UNC13C: variants seen among roughly 807,000 people sequenced by gnomAD.
UNC13C encodes unc-13 homolog C, also known as protein unc-13 homolog C.
A neutral mutation model predicts 245.4 loss-of-function variants in UNC13C; 174 were observed. That is an observed-to-expected ratio of 0.71 (90% confidence interval 0.63 to 0.80). The LOEUF is 0.80. Among genes scored for constraint, UNC13C ranks in the 30% least tolerant of loss-of-function variants. The pLI is 0.00. For synonymous variants in UNC13C, 992 were observed against 895.1 expected, an observed-to-expected ratio of 1.11 and a Z score of -1.93; for missense variants, 2,829 against 2,602.9, an observed-to-expected ratio of 1.09 and a Z score of -1.89.
intron 1 of UNC13C, among the ~76,000 whole-genome samples, chr15:54,011,186 G>A (rs1040712729): frequency 6.6e-6 from 1 of 152,152 alleles, no homozygotes; most frequent in African/African-American, 2.4e-5. Context: ...GTTGGAATAC[G>A]AGCAAGTGAG....
Position 54,419,802 on chromosome 15 carries a change from T to C in UNC13C, c.4933+4735T>C, listed in dbSNP as rs75757184. Among the ~76,000 whole-genome samples, 122 of 152,124 alleles carry C rather than the reference T, an allele frequency of 8.0e-4. 2 individuals are homozygous for C. In the East Asian group the frequency reaches 0.022, roughly 28 times the overall value. ...TCTCACATTTTTTTGTTTCAGATGG[T>C]ATTAGAATTTAAATTTCTTGTTAAC... On this transcript the variant is annotated intron_variant, in intron 19 of 32. Coordinates refer to ENST00000260323, the MANE Select transcript of UNC13C (RefSeq NM_001080534.3).
At chr15:54,536,746 T>C (rs1004547671) in intron 26 of UNC13C, among the ~76,000 whole-genome samples, 4 of 152,096 alleles carry the variant, frequency 2.6e-5, no homozygotes, top group Admixed American at 6.6e-5. Flanking sequence ...ATCATCTCAA[T>C]AGATGCAGAA....
In UNC13C at chr15:54,395,500, A is replaced by G. The variant is rs115092241; in HGVS notation, c.4847+2319A>G. On this transcript the variant is annotated intron_variant, in intron 18 of 32. Coordinates refer to ENST00000260323, the MANE Select transcript of UNC13C (RefSeq NM_001080534.3). ...ATTGACACAGAAGTCTGCAATATTAATAAACGATCCCTGTTATTGTGTCTT... is the reference window on the plus strand; with the variant it reads ...ATTGACACAGAAGTCTGCAATATTAGTAAACGATCCCTGTTATTGTGTCTT... 8.8e-3 allele frequency among the ~76,000 whole-genome samples: 1,345 copies of G among 152,014 alleles called. 26 individuals carry two copies. The highest frequency in any genetic ancestry group is 0.032 in the African/African-American group (1,319 of 41,540).
intron 29 of UNC13C, among the ~76,000 whole-genome samples, chr15:54,558,803 G>A (rs1450507577): frequency 6.6e-6 from 1 of 151,942 alleles, no homozygotes; most frequent in Non-Finnish European, 1.5e-5. Flanking sequence ...AAAAGTGGCA[G>A]CTATGAGACA....
intron 2 of UNC13C, among the ~76,000 whole-genome samples, chr15:54,101,162 A>T (rs974253928): frequency 6.6e-6 from 1 of 151,960 alleles, no homozygotes; most frequent in African/African-American, 2.4e-5. Flanking sequence ...CCTGCCTTTG[A>T]TAACTCTAAT....
At chr15:53,870,480 G>A in the UNC13C span, among the ~76,000 whole-genome samples, 1 of 148,658 alleles carries the variant, frequency 6.7e-6, no homozygotes, top group African/African-American at 2.5e-5. Context: ...GTGGGTGAGT[G>A]CCTCATCCCA....
chr15:53,867,365 C>T, the UNC13C span, among the ~76,000 whole-genome samples: 150 of 152,222 alleles, frequency 9.9e-4, no homozygotes, highest in African/African-American at 3.4e-3. Context: ...AAAACATTAA[C>T]AACGTTTGAT....
intron 10 of UNC13C, among the ~76,000 whole-genome samples, chr15:54,286,246 G>T (rs2037146743): frequency 6.6e-6 from 1 of 152,054 alleles, no homozygotes; most frequent in African/African-American, 2.4e-5. Flanking sequence ...AATATTACAG[G>T]ATCTTTTTAC....
chr15:53,895,220 T>G, the UNC13C span, among the ~76,000 whole-genome samples: 1 of 151,434 alleles, frequency 6.6e-6, no homozygotes, highest in Non-Finnish European at 1.5e-5. Flanking sequence ...AAAAATTAGC[T>G]GGGTGTGGTC....
rs150433302 is a variant in UNC13C at position 54,508,963 on chromosome 15, G to A, written c.5379+1769G>A. ...ACCCATAATTCCAGCACTTTGGGCG[G>A]CTGAGGTGGGCAGATCACCTGAGGT... On this transcript the variant is annotated intron_variant, in intron 23 of 32. Coordinates refer to ENST00000260323, the MANE Select transcript of UNC13C (RefSeq NM_001080534.3). Among the ~76,000 whole-genome samples the A allele has an allele frequency of 9.3e-3, 1,414 of 152,280 alleles. 9 individuals carry two copies. The highest frequency in any genetic ancestry group is 0.016 in the Non-Finnish European group (1,074 of 68,022).
chr15:54,605,388 C>G (rs1197824211), intron 30 of UNC13C, among the ~76,000 whole-genome samples: 2 of 152,178 alleles, frequency 1.3e-5, no homozygotes, highest in Non-Finnish European at 2.9e-5. Flanking sequence ...TATCATAGCA[C>G]AGATGCCACT....
chr15:54,349,334 A>T (rs2038929341), intron 17 of UNC13C, among the ~76,000 whole-genome samples: 1 of 151,666 alleles, frequency 6.6e-6, no homozygotes, highest in Non-Finnish European at 1.5e-5. Context: ...CTAGCCAGTT[A>T]TGCTTCTATC....
At chr15:54,047,588 C>T (rs1305416442) in intron 2 of UNC13C, among the ~76,000 whole-genome samples, 5 of 152,078 alleles carry the variant, frequency 3.3e-5, no homozygotes, top group Non-Finnish European at 7.4e-5. Context: ...AATTTCATCC[C>T]TTTTTAAGGC....
chr15:54,052,276 C>G lies in UNC13C; in HGVS notation c.2983+36390C>G, dbSNP rs375003770. On this transcript the variant is annotated intron_variant, in intron 2 of 32. Coordinates refer to ENST00000260323, the MANE Select transcript of UNC13C (RefSeq NM_001080534.3). ...ATTTATAGTCCTTTGGGTATATACCCAGTAATGGGATGGCTGGGTCAAATG... is the reference window on the plus strand; with the variant it reads ...ATTTATAGTCCTTTGGGTATATACCGAGTAATGGGATGGCTGGGTCAAATG... Among the ~76,000 whole-genome samples, 1,051 of 132,918 alleles carry G rather than the reference C, an allele frequency of 7.9e-3. 13 individuals are homozygous for G. The highest frequency in any genetic ancestry group is 0.029 in the African/African-American group (1,005 of 34,240). 87.2% of individuals were successfully genotyped at this position (132,918 alleles called of 152,430 possible).
chr15:53,900,355 G>T, the UNC13C span, among the ~76,000 whole-genome samples: 1 of 152,148 alleles, frequency 6.6e-6, no homozygotes, highest in Admixed American at 6.5e-5. Flanking sequence ...AGACACAGAG[G>T]AATATTCTGT....
chr15:54,408,073 C>T (rs1245616485), intron 18 of UNC13C, among the ~76,000 whole-genome samples: 2 of 151,262 alleles, frequency 1.3e-5, no homozygotes, highest in East Asian at 2.0e-4. Context: ...TGGTGGCGGG[C>T]GCCTGTAGTC....
At chr15:54,256,120 G>A (rs2036272996) in intron 8 of UNC13C, among the ~76,000 whole-genome samples, 1 of 152,080 alleles carries the variant, frequency 6.6e-6, no homozygotes, top group Non-Finnish European at 1.5e-5. Context: ...ACTTCCCTGG[G>A]CATCATTTTC....
chr15:54,304,483 AC>A (rs1307943723), intron 13 of UNC13C, among the ~76,000 whole-genome samples: 1 of 151,824 alleles, frequency 6.6e-6, no homozygotes, highest in African/African-American at 2.4e-5. Flanking sequence ...GCTTAGCAAA[AC>A]TTTAGACAGG....
intron 30 of UNC13C, among the ~76,000 whole-genome samples, chr15:54,589,668 T>G (rs1019855758): frequency 3.3e-5 from 5 of 152,112 alleles, no homozygotes; most frequent in African/African-American, 1.2e-4. Flanking sequence ...AGATTTTTTT[T>G]TTCTTACTGA....
Sources: gnomAD v4.1 joint callset for allele counts (sites outside exome capture counted in the v4.1 genomes callset) on GRCh38, gnomAD v4.1.1 for gene constraint, MANE v1.5 for transcripts, NCBI Gene and HGNC (gene_info 2026-07-23, HGNC 2026-07-21) for gene names.